Variants in AGAP1 observed in about 807,000 individuals in gnomAD.
AGAP1 encodes the protein arf-GAP with GTPase, ANK repeat and PH domain-containing protein 1.
AGAP1 carries 29 observed loss-of-function variants against 105.3 expected under a neutral mutation model. That is an observed-to-expected ratio of 0.28 (90% confidence interval 0.21 to 0.38). AGAP1 has a LOEUF of 0.38. Ranked by LOEUF, AGAP1 falls within the 10% of genes least tolerant of loss-of-function variation. The pLI, the probability that AGAP1 is intolerant of heterozygous loss-of-function variation, is 1.00. For missense variants in AGAP1, 998 were observed against 1,165.1 expected (o/e 0.86, Z 2.09); for synonymous variants, 509 against 485.9 (o/e 1.05, Z -0.63).
chr2:235,636,363 A>G (rs1166018881), intron 1 of AGAP1, among the ~76,000 whole-genome samples: 2 of 151,980 alleles, frequency 1.3e-5, no homozygotes, highest in Non-Finnish European at 2.9e-5. Flanking sequence ...AAATGAACAC[A>G]CCCACTCAGG....
Position 236,055,441 on chromosome 2 carries a change from T to C in AGAP1, c.2114+6160T>C, listed in dbSNP as rs1338231602. 1.3e-5 allele frequency among the ~76,000 whole-genome samples: 2 copies of C among 152,246 alleles called. No homozygotes were observed. Among genetic ancestry groups the C allele is most frequent in the Admixed American group, 6.5e-5 (1 of 15,284 alleles). On this transcript the variant is annotated intron_variant, in intron 16 of 17. Transcript: ENST00000304032. The surrounding 1 kb of genome is among the most constrained non-coding windows in gnomAD (Gnocchi z 6.2). ...TCGTCTCTTCCAATATAAATTATCA[T>C]GTGAACGCTGTGGTTTTTCTATTTG... is the stretch of plus-strand genomic sequence containing the variant.
chr2:235,827,032 A>G (rs1437198409), intron 9 of AGAP1, among the ~76,000 whole-genome samples: 5 of 152,180 alleles, frequency 3.3e-5, no homozygotes, highest in African/African-American at 9.7e-5. Flanking sequence ...AAGCAGGGCA[A>G]GGAGGAGGGG....
chr2:235,856,518 A>G (rs1483886032), intron 9 of AGAP1, among the ~76,000 whole-genome samples: 1 of 152,114 alleles, frequency 6.6e-6, no homozygotes, highest in East Asian at 1.9e-4. Context: ...TGTCCTTTCC[A>G]CATCTAAGCC....
intron 6 of AGAP1, among the ~76,000 whole-genome samples, chr2:235,776,254 C>T (rs1955851248): frequency 6.6e-6 from 1 of 152,134 alleles, no homozygotes; most frequent in African/African-American, 2.4e-5. Flanking sequence ...GCTCCAAGGC[C>T]TCGCAGGGGT....
At chr2:235,746,377 C>CTTTTTTTTTTTTTTTTTTTTTTTTTTTTT (rs1172393048) in intron 5 of AGAP1, among the ~76,000 whole-genome samples, 3 of 55,546 alleles carry the variant, frequency 5.4e-5, no homozygotes, top group Non-Finnish European at 6.1e-5. Flanking sequence ...CCTCCCCCAA[C>CTTTTTTTTTTTTTTTTTTTTTTTTTTTTT]TTTTTTTTTT....
In AGAP1 at chr2:236,121,592, C is replaced by T. The variant is rs2059901127; in HGVS notation, c.2370+1145C>T. Among the ~76,000 whole-genome samples the T allele has an allele frequency of 1.3e-5, 2 of 152,142 alleles. No individual in the cohort carries two copies. The highest frequency in any genetic ancestry group is 4.1e-4 in the South Asian group (2 of 4,826). On this transcript the variant is annotated intron_variant, in intron 17 of 17. Coordinates refer to ENST00000304032, the MANE Select transcript of AGAP1 (RefSeq NM_001037131.3). The surrounding 1 kb of genome is among the most constrained non-coding windows in gnomAD (Gnocchi z 4.9). ...GGGAGTACAGGCATGACCCACCACGCCCAGCCTTGATCTGACTTTTTTGAT... is the reference window on the plus strand; with the variant it reads ...GGGAGTACAGGCATGACCCACCACGTCCAGCCTTGATCTGACTTTTTTGAT...
At chr2:235,538,467 T>TGTGTG in intron 1 of AGAP1, among the ~76,000 whole-genome samples, 1 of 21,516 alleles carries the variant, frequency 4.6e-5, no homozygotes, top group East Asian at 2.9e-3. Context: ...GTGTGCATGC[T>TGTGTG]TGTACGCCTG....
intron 7 of AGAP1, among the ~76,000 whole-genome samples, chr2:235,798,544 T>TA (rs1391059289): frequency 6.6e-6 from 1 of 152,106 alleles, no homozygotes; most frequent in Non-Finnish European, 1.5e-5. Flanking sequence ...GCCAGTAAGT[T>TA]ATGGCATGTA....
chr2:235,988,617 T>C lies in AGAP1; in HGVS notation c.1645+19994T>C, dbSNP rs2055423287. Among the ~76,000 whole-genome samples the C allele has an allele frequency of 1.3e-5, 2 of 152,148 alleles. No individual in the cohort carries two copies. Among genetic ancestry groups the C allele is most frequent in the African/African-American group, 4.8e-5 (2 of 41,440 alleles). On this transcript the variant is annotated intron_variant, in intron 13 of 17. Coordinates refer to ENST00000304032, the MANE Select transcript of AGAP1 (RefSeq NM_001037131.3). This position sits in a 1 kb window ranked among gnomAD's most constrained non-coding sequence, Gnocchi z 4.7. ...GCAGAGGTCAGCTTTTTCCATTGTC[T>C]CTGAAACACTTGCATTTTTCCTGTA... is the stretch of plus-strand genomic sequence containing the variant.
chr2:236,063,279 G>A (rs1044024209), intron 16 of AGAP1, among the ~76,000 whole-genome samples: 2 of 151,980 alleles, frequency 1.3e-5, no homozygotes, highest in African/African-American at 4.8e-5. Context: ...TAGTAGAGAC[G>A]GGGTTTCACC....
At chr2:235,710,087 T>C (rs1950772841) in intron 2 of AGAP1, among the ~76,000 whole-genome samples, 2 of 152,220 alleles carry the variant, frequency 1.3e-5, no homozygotes, top group Admixed American at 6.5e-5. Context: ...GCAGATGAGC[T>C]CTTGCTGTTC....
intron 1 of AGAP1, among the ~76,000 whole-genome samples, chr2:235,532,309 C>G (rs1336436591): frequency 2.6e-5 from 4 of 152,130 alleles, no homozygotes; most frequent in African/African-American, 9.7e-5. Flanking sequence ...CTCTGCCTGC[C>G]CAGCTCAAGT....
chr2:235,997,693 C>T (rs754298974), intron 13 of AGAP1, among the ~76,000 whole-genome samples: 4 of 152,282 alleles, frequency 2.6e-5, no homozygotes, highest in South Asian at 2.1e-4. Flanking sequence ...AGCTCCCCAG[C>T]GCAGTCCGTC....
At chr2:235,803,241 G>C (rs116491684) in intron 8 of AGAP1, among the ~76,000 whole-genome samples, 5 of 152,154 alleles carry the variant, frequency 3.3e-5, no homozygotes, top group African/African-American at 1.2e-4. Context: ...GTAGTCTTAA[G>C]TTGAAGTTCC....
At chr2:235,709,921 T>G (rs551001620) in intron 2 of AGAP1, among the ~76,000 whole-genome samples, 2 of 152,332 alleles carry the variant, frequency 1.3e-5, no homozygotes, top group South Asian at 4.1e-4. Context: ...CATTTGTGTG[T>G]ATGGTTATGT....
intron 16 of AGAP1, among the ~76,000 whole-genome samples, chr2:236,052,466 T>A (rs981711552): frequency 3.3e-5 from 5 of 152,182 alleles, no homozygotes; most frequent in African/African-American, 1.2e-4. Context: ...GCCTCTGCTG[T>A]GTCCCTGCAC....
At chr2:235,750,000 C>T (rs1953298149) in intron 5 of AGAP1, among the ~76,000 whole-genome samples, 1 of 152,090 alleles carries the variant, frequency 6.6e-6, no homozygotes, top group Non-Finnish European at 1.5e-5. Context: ...TATGCTTAGC[C>T]ACCTGCGTGG....
chr2:235,871,674 G>C (rs931835758), intron 9 of AGAP1, among the ~76,000 whole-genome samples: 1 of 152,132 alleles, frequency 6.6e-6, no homozygotes, highest in Non-Finnish European at 1.5e-5. Context: ...GAAACTTCAG[G>C]GTTTAAGAAA....
chr2:235,680,176 G>A (rs1302636425), intron 1 of AGAP1, among the ~76,000 whole-genome samples: 2 of 152,234 alleles, frequency 1.3e-5, no homozygotes, highest in Admixed American at 6.5e-5. Flanking sequence ...GGCTACCCAC[G>A]CCTTGCAACT....
Sources: allele counts gnomAD v4.1 joint callset (sites outside exome capture counted in the v4.1 genomes callset), GRCh38; gene constraint gnomAD v4.1.1; non-coding constraint Gnocchi (gnomAD v3.1); transcripts MANE v1.5; gene names NCBI Gene and HGNC (gene_info 2026-07-23, HGNC 2026-07-21).